RXFP2: variants seen among roughly 807,000 people sequenced by gnomAD.
The protein encoded by RXFP2 is relaxin receptor 2.
In RXFP2, 68 loss-of-function variants were observed where a neutral mutation model predicts 88.6. That is an observed-to-expected ratio of 0.77 (90% confidence interval 0.63 to 0.94). RXFP2 has a LOEUF of 0.94. Among genes scored for constraint, RXFP2 ranks in the 40% least tolerant of loss-of-function variants. The pLI, the probability that RXFP2 is intolerant of heterozygous loss-of-function variation, is 0.00. For synonymous variants in RXFP2, 329 were observed against 306.8 expected (o/e 1.07, Z -0.76); for missense variants, 791 against 893.9 (o/e 0.88, Z 1.47).
intron 11 of RXFP2, among the ~76,000 whole-genome samples, chr13:31,785,919 A>T (rs1250626252): frequency 6.6e-6 from 1 of 152,224 alleles, no homozygotes; most frequent in Non-Finnish European, 1.5e-5. Context: ...CTTATTCAAG[A>T]TTATCTGGGC....
Position 31,802,787 on chromosome 13 carries a change from G to C in RXFP2, c.*382G>C, listed in dbSNP as rs1874420344. On this transcript the variant is annotated 3_prime_UTR_variant, in exon 18 of 18. Coordinates refer to ENST00000298386, the MANE Select transcript of RXFP2 (RefSeq NM_130806.5). ...GAAACACTCACAACATCTGATTCCAGTGTGGCCATAATAACAGAAATCTAA... is the reference window on the plus strand; with the variant it reads ...GAAACACTCACAACATCTGATTCCACTGTGGCCATAATAACAGAAATCTAA... 5.0e-6 allele frequency: 1 copy of C among 199,790 alleles called. No individual in the cohort carries two copies. The highest frequency in any genetic ancestry group is 9.9e-5 in the South Asian group (1 of 10,068). 12.4% of individuals were successfully genotyped at this position (199,790 alleles called of 1,614,324 possible). A position where few individuals can be genotyped will look rare whatever the true frequency, so the allele number is the denominator to read the frequency against.
chr13:31,776,101 CTT>C lies in RXFP2; in HGVS notation c.641+715_641+716del, dbSNP rs137927361. On this transcript the variant is annotated intron_variant, in intron 7 of 17. Coordinates refer to ENST00000298386, the MANE Select transcript of RXFP2 (RefSeq NM_130806.5). ...CTTTCCTTCCTTCTTTCTTTCTTTT[CTT>C]TTCTTTCTTTCTTTCTTTCTTTCTT... 9.0e-3 allele frequency among the ~76,000 whole-genome samples: 516 copies of C among 57,376 alleles called. 5 individuals are homozygous for C. The highest frequency in any genetic ancestry group is 0.04 in the African/African-American group (503 of 12,700). The allele number at this position is 57,376 out of a possible 152,430, so 37.6% of individuals were successfully genotyped here. A position where few individuals can be genotyped will look rare whatever the true frequency, so the allele number is the denominator to read the frequency against.
In RXFP2 at chr13:31,792,928, C is replaced by T; in HGVS notation, c.1626C>T (p.Leu542=). ...RPGKRQTSVI[L]ICIWMAGFLI... The stretch of plus-strand genomic sequence containing the variant: ...GAAAACGGCAGACCTCAGTCATCCT[C>T]ATTTGCATCTGGATGGCGGGATTTT... The change falls in exon 16 of 18, where the codon CTC becomes CTT. Residue 542 remains leucine, a synonymous_variant. Transcript: ENST00000298386. 1 of 1,614,098 alleles carries T rather than the reference C, an allele frequency of 6.2e-7. No individual in the cohort carries two copies. Among genetic ancestry groups the T allele is most frequent in the Non-Finnish European group, 8.5e-7 (1 of 1,180,022 alleles).
intron 10 of RXFP2, 71 bp downstream of exon 10, chr13:31,781,813 AC>A: frequency 1.5e-6 from 2 of 1,293,216 alleles, no homozygotes; most frequent in Non-Finnish European, 2.2e-6. Context: ...GAAAACATTG[AC>A]AAAAAATTTT....
chr13:31,765,443 T>G (rs377616926), intron 4 of RXFP2, among the ~76,000 whole-genome samples: 1 of 149,958 alleles, frequency 6.7e-6, no homozygotes, highest in Non-Finnish European at 1.5e-5. Context: ...TTTTTTTTTT[T>G]GTTTTAAAAG....
chr13:31,781,328 G>T (rs1024351206), intron 9 of RXFP2, among the ~76,000 whole-genome samples: 1 of 152,126 alleles, frequency 6.6e-6, no homozygotes, highest in Non-Finnish European at 1.5e-5. Context: ...CAGCAATTTG[G>T]CAGGAGTGCT....
chr13:31,760,343 G>A (rs1043220384), intron 2 of RXFP2, among the ~76,000 whole-genome samples: 6 of 152,042 alleles, frequency 3.9e-5, no homozygotes, highest in South Asian at 2.1e-4. Flanking sequence ...CGCCCGCCTC[G>A]GCCTCCCAAA....
At chr13:31,786,936 G>A (rs1873574112) in intron 13 of RXFP2, among the ~76,000 whole-genome samples, 1 of 152,162 alleles carries the variant, frequency 6.6e-6, no homozygotes, top group East Asian at 1.9e-4. Context: ...CAATAGTTTT[G>A]TTTCTAAAAG....
intron 5 of RXFP2, among the ~76,000 whole-genome samples, chr13:31,773,696 T>C (rs895795561): frequency 1.3e-5 from 2 of 152,148 alleles, no homozygotes; most frequent in Non-Finnish European, 2.9e-5. Flanking sequence ...GGAGCTCTGC[T>C]AGGAAATAAT....
Position 31,783,983 on chromosome 13 carries a change from A to ATTTTTTTTTTTTTT in RXFP2, c.929+1238_929+1251dup, listed in dbSNP as rs10686799. Among the ~76,000 whole-genome samples the ATTTTTTTTTTTTTT allele has an allele frequency of 4.9e-5, 6 of 121,572 alleles. 1 individual carries two copies. Among genetic ancestry groups the ATTTTTTTTTTTTTT allele is most frequent in the Non-Finnish European group, 6.7e-5 (4 of 59,758 alleles). The allele number at this position is 121,572 out of a possible 152,430, so 79.8% of individuals were successfully genotyped here. A position where few individuals can be genotyped will look rare whatever the true frequency, so the allele number is the denominator to read the frequency against. ...AGGTACCTGCCACCATGCCTGGCTAATTTTTTTTTTTTTTTGTATTTTTAG... is the reference window on the plus strand; with the variant it reads ...AGGTACCTGCCACCATGCCTGGCTAATTTTTTTTTTTTTTTTTTTTTTTTTTTTTGTATTTTTAG... On this transcript the variant is annotated intron_variant, in intron 11 of 17. Coordinates refer to ENST00000298386, the MANE Select transcript of RXFP2 (RefSeq NM_130806.5).
rs374286118 is a variant in RXFP2 at position 31,782,361 on chromosome 13, G to T, written c.858-315G>T. On this transcript the variant is annotated intron_variant, in intron 10 of 17. Coordinates refer to ENST00000298386, the MANE Select transcript of RXFP2 (RefSeq NM_130806.5). ...AAGCACTTAGTGATGTTTGTTGATT[G>T]GATGGATGATTGGAAAAAAGAATGG... Among the ~76,000 whole-genome samples the T allele has an allele frequency of 2.6e-5, 4 of 152,104 alleles. No individual in the cohort carries two copies. In the East Asian group the frequency reaches 7.7e-4, roughly 29 times the overall value.
At chr13:31,796,225 A>G (rs1385174633) in intron 16 of RXFP2, among the ~76,000 whole-genome samples, 1 of 149,174 alleles carries the variant, frequency 6.7e-6, no homozygotes, top group East Asian at 1.9e-4. Context: ...AATTTTTTGT[A>G]TTTTTAGTAG....
intron 5 of RXFP2, among the ~76,000 whole-genome samples, chr13:31,773,145 C>G (rs1872795167): frequency 6.6e-6 from 1 of 152,204 alleles, no homozygotes; most frequent in East Asian, 1.9e-4. Context: ...TCATCCTATT[C>G]ACAGCAGAAC....
At chr13:31,781,504 G>C (rs1303641826) in intron 9 of RXFP2, among the ~76,000 whole-genome samples, 167 bp from the exon 10 acceptor site, 3 of 151,948 alleles carry the variant, frequency 2.0e-5, no homozygotes, top group Non-Finnish European at 4.4e-5. Flanking sequence ...AGTTGGAAGG[G>C]GGAAAGAAGC....
At chr13:31,763,842 T>C (rs1161426961) in intron 3 of RXFP2, among the ~76,000 whole-genome samples, 1 of 152,146 alleles carries the variant, frequency 6.6e-6, no homozygotes, top group Non-Finnish European at 1.5e-5. Context: ...GTTATGTCAA[T>C]AAACATTGAC....
intron 1 of RXFP2, among the ~76,000 whole-genome samples, chr13:31,746,492 T>C (rs1871422232): frequency 6.6e-6 from 1 of 152,204 alleles, no homozygotes; most frequent in South Asian, 2.1e-4. Context: ...CTGTAATTAA[T>C]ATGCTAGTTT....
intron 1 of RXFP2, among the ~76,000 whole-genome samples, chr13:31,751,267 C>T (rs749363171): frequency 2.0e-5 from 3 of 151,770 alleles, no homozygotes; most frequent in East Asian, 1.9e-4. Context: ...ACTCCAGCCT[C>T]GGCAACAAGA....
At chr13:31,756,491 G>A (rs771778748) in intron 1 of RXFP2, among the ~76,000 whole-genome samples, 1 of 152,132 alleles carries the variant, frequency 6.6e-6, no homozygotes, top group Non-Finnish European at 1.5e-5. Flanking sequence ...GGGTCATGAT[G>A]CTAGCCTTCA....
At chr13:31,757,249 G>C (rs1012026132) in intron 1 of RXFP2, among the ~76,000 whole-genome samples, 1 of 152,132 alleles carries the variant, frequency 6.6e-6, no homozygotes, top group African/African-American at 2.4e-5. Context: ...GTCTCATAGT[G>C]CAATGGCTAA....
Sources: allele counts gnomAD v4.1 joint callset (sites outside exome capture counted in the v4.1 genomes callset), GRCh38; gene constraint gnomAD v4.1.1; transcripts MANE v1.5; gene names NCBI Gene and HGNC (gene_info 2026-07-23, HGNC 2026-07-21).